The following CTNND1 variants were observed in gnomAD, a reference collection of about 807,000 sequenced individuals.
CTNND1 encodes the protein catenin delta 1.
CTNND1 carries 16 observed loss-of-function variants against 112.1 expected under a neutral mutation model. The ratio of observed to expected loss-of-function variants is 0.14; its 90% CI spans 0.10 to 0.22. The LOEUF (loss-of-function observed/expected upper bound fraction) is 0.22, where lower values mean the gene tolerates loss of function less well. CTNND1 is among the 10% of genes least tolerant of loss of function. The pLI, the probability that CTNND1 is intolerant of heterozygous loss-of-function variation, is 1.00. For synonymous variants in CTNND1, 420 were observed against 446.5 expected, an observed-to-expected ratio of 0.94 and a Z score of 0.75; for missense variants, 1,008 against 1,257.0, an observed-to-expected ratio of 0.80 and a Z score of 3.00.
intron 14 of CTNND1, among the ~76,000 whole-genome samples, 178 bp from the exon 15 acceptor site, chr11:57,809,096 G>A (rs1003113496): frequency 2.0e-5 from 3 of 152,190 alleles, no homozygotes; most frequent in Non-Finnish European, 4.4e-5. Flanking sequence ...AGGTAGGACA[G>A]TAAATCCATG....
At chr11:57,791,796 G>A (rs2060774572) in intron 3 of CTNND1, 123 bp downstream of exon 3, 1 of 1,112,786 alleles carries the variant, frequency 9.0e-7, no homozygotes, top group Non-Finnish European at 1.2e-6. Flanking sequence ...TTCTTCCAGG[G>A]ATTTTTTTCC....
At chr11:57,787,083 C>T (rs2060219233) in intron 1 of CTNND1, among the ~76,000 whole-genome samples, 1 of 152,178 alleles carries the variant, frequency 6.6e-6, no homozygotes, top group African/African-American at 2.4e-5. Flanking sequence ...ATAAAACTTC[C>T]TTAGGGTTGT....
chr11:57,802,202 T>C lies in CTNND1; in HGVS notation c.1420+6T>C, dbSNP rs759322791. 7.5e-6 allele frequency: 12 copies of C among 1,595,578 alleles called. No homozygotes were observed. The African/African-American group carries it at 1.1e-4, about 14-fold the overall frequency. The stretch of plus-strand genomic sequence containing the variant: ...CCTTACTGAAGTTATTACCGGTGAG[T>C]TCTAGGCCTAAGGAAAATTGCTAAG... On this transcript the variant is annotated splice_donor_region_variant and intron_variant, in intron 7 of 20. Coordinates refer to ENST00000399050, the MANE Select transcript of CTNND1 (RefSeq NM_001085458.2).
chr11:57,810,072 A>T (rs772635735), intron 15 of CTNND1, 37 bp from the exon 16 acceptor site: 1 of 1,515,234 alleles, frequency 6.6e-7, no homozygotes, highest in Middle Eastern at 1.7e-4. Flanking sequence ...TCCTGATTTT[A>T]TATCCAAATT....
In CTNND1 at chr11:57,776,378, T is replaced by C. The variant is rs187905315; in HGVS notation, c.-213-12659T>C. Among the ~76,000 whole-genome samples the C allele has an allele frequency of 2.4e-4, 37 of 152,282 alleles. 1 individual carries two copies. The highest frequency in any genetic ancestry group is 2.4e-3 in the Admixed American group (37 of 15,296). On this transcript the variant is annotated intron_variant, in intron 1 of 20. Transcript: ENST00000399050. Reference sequence around the variant, plus strand: ...GTTAGCAGAGTCTCAGCAACTCTTATGTAGTGGGTTTGAATTCTCAGGCAC... The same window carrying C: ...GTTAGCAGAGTCTCAGCAACTCTTACGTAGTGGGTTTGAATTCTCAGGCAC...
intron 1 of CTNND1, among the ~76,000 whole-genome samples, chr11:57,775,020 GT>G (rs776805174): frequency 2.2e-3 from 310 of 138,474 alleles, no homozygotes; most frequent in Middle Eastern, 3.7e-3. Flanking sequence ...GCCTATGAGG[GT>G]TTTTTTTTTT....
At chr11:57,792,832 AT>A (rs35942817) in intron 3 of CTNND1, among the ~76,000 whole-genome samples, 115,538 of 140,386 alleles carry the variant, frequency 0.82, 49,313 homozygotes, top group East Asian at 0.99. Context: ...CGGCTGAGTG[AT>A]TTTTTTTTTT....
intron 5 of CTNND1, 30 bp from the exon 6 acceptor site, chr11:57,796,423 ATTAG>A (rs768949910): frequency 6.5e-7 from 1 of 1,538,858 alleles, no homozygotes; most frequent in Admixed American, 2.2e-5. Flanking sequence ...CACTTCCTTA[ATTAG>A]TTTTTCTTTT....
At chr11:57,803,295 A>C (rs1418831074) in intron 7 of CTNND1, among the ~76,000 whole-genome samples, 1 of 152,090 alleles carries the variant, frequency 6.6e-6, no homozygotes, top group Non-Finnish European at 1.5e-5. Context: ...TTTTAGTGTT[A>C]GCCAGGATGG....
At chr11:57,782,157 C>A in intron 1 of CTNND1, among the ~76,000 whole-genome samples, 1 of 151,776 alleles carries the variant, frequency 6.6e-6, no homozygotes, top group East Asian at 1.9e-4. Flanking sequence ...AGCTCAAATT[C>A]CTTTTAACAA....
chr11:57,777,522 G>C (rs970142858), intron 1 of CTNND1, among the ~76,000 whole-genome samples: 1 of 152,088 alleles, frequency 6.6e-6, no homozygotes, highest in South Asian at 2.1e-4. Flanking sequence ...TGCCTGCTTC[G>C]GCCTCCCAAA....
chr11:57,794,779 C>CT (rs2061170012), intron 4 of CTNND1, among the ~76,000 whole-genome samples: 1 of 140,606 alleles, frequency 7.1e-6, no homozygotes, highest in African/African-American at 2.7e-5. Context: ...GAGCAAAACT[C>CT]TGTCTCAAAA....
At chr11:57,794,894 A>C (rs1213929088) in intron 4 of CTNND1, among the ~76,000 whole-genome samples, 1 of 151,846 alleles carries the variant, frequency 6.6e-6, no homozygotes, top group Non-Finnish European at 1.5e-5. Flanking sequence ...AAAAAAAAAA[A>C]AAAAACAAAG....
chr11:57,790,725 T>G (rs1382082354), intron 2 of CTNND1, among the ~76,000 whole-genome samples: 2 of 134,770 alleles, frequency 1.5e-5, no homozygotes, highest in Non-Finnish European at 3.2e-5. Flanking sequence ...GCCCGGCCTT[T>G]TTTTGTATTT....
Position 57,789,064 on chromosome 11 carries a change from G to T in CTNND1, c.-186G>T. On this transcript the variant is annotated 5_prime_UTR_variant, in exon 2 of 21. Transcript: ENST00000399050. ...CTCTCCTTCCTGCTTCCTCCTTGCT[G>T]TGGTGGCTGGGATGCTTCTTCCATG... 6.5e-7 allele frequency: 1 copy of T among 1,535,470 alleles called. No individual in the cohort carries two copies. Among genetic ancestry groups the T allele is most frequent in the Non-Finnish European group, 8.7e-7 (1 of 1,146,852 alleles).
chr11:57,817,839 T>A lies in CTNND1; in HGVS notation c.*1531T>A, dbSNP rs148878219. On this transcript the variant is annotated 3_prime_UTR_variant, in exon 21 of 21. Transcript: ENST00000399050. ...GAAATCAGCTGCTATGCGGGTTGAT[T>A]ATTATTATTATTTCTAATCCTTTTC... 1 of 152,492 alleles carries A rather than the reference T, an allele frequency of 6.6e-6. No homozygotes were observed. The highest frequency in any genetic ancestry group is 1.9e-4 in the East Asian group (1 of 5,202). The allele number at this position is 152,492 out of a possible 1,614,324, so 9.4% of individuals were successfully genotyped here.
intron 17 of CTNND1, 128 bp downstream of exon 17, chr11:57,811,614 C>G (rs1290146145): frequency 1.5e-6 from 1 of 651,914 alleles, no homozygotes; most frequent in African/African-American, 1.8e-5. Flanking sequence ...TAATTTTCCA[C>G]TCCAGGATCC....
intron 3 of CTNND1, among the ~76,000 whole-genome samples, chr11:57,792,670 A>G (rs2060892526): frequency 6.6e-6 from 1 of 152,120 alleles, no homozygotes; most frequent in South Asian, 2.1e-4. Context: ...AGCTGGGACT[A>G]CAGGCGTGTG....
chr11:57,770,569 C>T (rs113314866), intron 1 of CTNND1, among the ~76,000 whole-genome samples: 13 of 151,974 alleles, frequency 8.6e-5, no homozygotes, highest in African/African-American at 2.4e-4. Flanking sequence ...AGAAGAATCC[C>T]TTGAACCCAG....
Sources: gnomAD v4.1 joint callset for allele counts (sites outside exome capture counted in the v4.1 genomes callset) on GRCh38, gnomAD v4.1.1 for gene constraint, MANE v1.5 for transcripts, NCBI Gene and HGNC (gene_info 2026-07-23, HGNC 2026-07-21) for gene names.